SLC17A5: variants seen among roughly 807,000 people sequenced by gnomAD.
The protein encoded by SLC17A5 is sialin.
In SLC17A5, 47 loss-of-function variants were observed where a neutral mutation model predicts 59.4. The ratio of observed to expected loss-of-function variants is 0.79; its 90% confidence interval spans 0.63 to 1.01. SLC17A5 has a LOEUF of 1.01. Among genes scored for constraint, SLC17A5 ranks in the 50% least tolerant of loss-of-function variants. The probability of loss-of-function intolerance (pLI) is 0.00; values close to 1 mark genes in which losing one functional copy is unlikely to be tolerated. For synonymous variants in SLC17A5, 202 were observed against 210.7 expected (o/e 0.96, Z 0.36); for missense variants, 522 against 595.5 (o/e 0.88, Z 1.28).
intron 9 of SLC17A5, among the ~76,000 whole-genome samples, chr6:73,601,704 C>CT: frequency 1.2e-5 from 1 of 84,912 alleles, no homozygotes; most frequent in Non-Finnish European, 2.5e-5. Flanking sequence ...GTCAGCCCCC[C>CT]GCCCGGCCAG....
At chr6:73,603,935 A>AC (rs942678369) in intron 9 of SLC17A5, among the ~76,000 whole-genome samples, 4 of 152,268 alleles carry the variant, frequency 2.6e-5, no homozygotes, top group Non-Finnish European at 5.9e-5. Flanking sequence ...AAAACAAAAA[A>AC]AAAACACTTA....
At chr6:73,633,662 T>G (rs1420216620) in intron 6 of SLC17A5, among the ~76,000 whole-genome samples, 1 of 151,974 alleles carries the variant, frequency 6.6e-6, no homozygotes, top group Admixed American at 6.6e-5. Flanking sequence ...GAGGATCGCT[T>G]GAGGCCAGGA....
intron 7 of SLC17A5, among the ~76,000 whole-genome samples, chr6:73,616,186 A>G (rs995200031): frequency 6.6e-6 from 1 of 152,042 alleles, no homozygotes; most frequent in African/African-American, 2.4e-5. Context: ...ACCCGGCCTC[A>G]TGAGTCTTTC....
intron 6 of SLC17A5, among the ~76,000 whole-genome samples, chr6:73,628,819 T>C (rs12195068): frequency 0.22 from 32,689 of 152,008 alleles, 3,705 homozygotes; most frequent in Non-Finnish European, 0.25. Flanking sequence ...ACTATAAAAA[T>C]TATTTGTCAT....
chr6:73,623,282 A>G (rs1703465), intron 6 of SLC17A5, among the ~76,000 whole-genome samples: 24,633 of 151,676 alleles, frequency 0.16, 3,056 homozygotes, highest in African/African-American at 0.34. Context: ...CAGGTGATCC[A>G]CCTGCCTTGG....
intron 1 of SLC17A5, chr6:73,653,133 T>A (rs1769946434): frequency 3.0e-6 from 3 of 985,316 alleles, no homozygotes; most frequent in East Asian, 2.3e-4. Context: ...GGAAAAAAAA[T>A]GTCCTCGATG....
At chr6:73,596,945 G>A (rs1211015245) in intron 10 of SLC17A5, among the ~76,000 whole-genome samples, 5 of 151,964 alleles carry the variant, frequency 3.3e-5, no homozygotes, top group African/African-American at 1.2e-4. Context: ...TGGATCACCC[G>A]AGGTCAGGAG....
intron 7 of SLC17A5, among the ~76,000 whole-genome samples, chr6:73,619,861 A>G (rs1202921897): frequency 6.6e-6 from 1 of 151,916 alleles, no homozygotes; most frequent in Non-Finnish European, 1.5e-5. Context: ...TCAGTGTAGT[A>G]ATCTTTAAAT....
chr6:73,650,507 C>CAAAAA (rs999445559), intron 1 of SLC17A5, among the ~76,000 whole-genome samples: 38 of 35,502 alleles, frequency 1.1e-3, no homozygotes, highest in African/African-American at 2.2e-3. Context: ...GACTCCGTCT[C>CAAAAA]AAAAAAAAAA....
chr6:73,610,825 G>C (rs919670484), intron 8 of SLC17A5, among the ~76,000 whole-genome samples: 2 of 152,156 alleles, frequency 1.3e-5, no homozygotes, highest in Non-Finnish European at 2.9e-5. Flanking sequence ...AGAAGAACAA[G>C]ACAAGAACAA....
intron 6 of SLC17A5, among the ~76,000 whole-genome samples, chr6:73,622,527 C>G (rs1412108736): frequency 1.3e-5 from 2 of 152,114 alleles, no homozygotes; most frequent in Non-Finnish European, 2.9e-5. Context: ...GTCTTGAACT[C>G]CTGACTGCAA....
chr6:73,615,486 G>C (rs1767813844), intron 7 of SLC17A5, 39 bp from the exon 8 acceptor site: 1 of 1,608,010 alleles, frequency 6.2e-7, no homozygotes, highest in Non-Finnish European at 8.5e-7. Flanking sequence ...ATTACGGTGA[G>C]AGAAAAAAAC....
chr6:73,608,342 G>A (rs1324888747), intron 9 of SLC17A5, among the ~76,000 whole-genome samples: 1 of 152,104 alleles, frequency 6.6e-6, no homozygotes, highest in Non-Finnish European at 1.5e-5. Context: ...GGTGGAGAGA[G>A]GAAAAGATCC....
intron 9 of SLC17A5, among the ~76,000 whole-genome samples, chr6:73,604,827 C>A (rs1041246050): frequency 4.6e-5 from 7 of 152,046 alleles, no homozygotes; most frequent in Admixed American, 3.9e-4. Flanking sequence ...AATCCAAGTA[C>A]ACATTTATAT....
In SLC17A5 at chr6:73,593,859, G is replaced by A. The variant is rs1315661898; in HGVS notation, c.*1218C>T. 1 of 152,032 alleles carries A rather than the reference G, an allele frequency of 6.6e-6. No homozygotes were observed. Among genetic ancestry groups the A allele is most frequent in the Non-Finnish European group, 1.5e-5 (1 of 68,012 alleles). The allele number at this position is 152,032 out of a possible 1,614,324, so 9.4% of individuals were successfully genotyped here. A position where few individuals can be genotyped will look rare whatever the true frequency, so the allele number is the denominator to read the frequency against. On this transcript the variant is annotated 3_prime_UTR_variant, in exon 11 of 11. Transcript: ENST00000355773. ...ACAGGAGGATCGCTTGAAGCCAGGA[G>A]TTCAAAACCAGCCTGGGCGACAAAA... is the stretch of plus-strand genomic sequence containing the variant.
At chr6:73,633,982 C>G (rs983474228) in intron 6 of SLC17A5, among the ~76,000 whole-genome samples, 2 of 152,060 alleles carry the variant, frequency 1.3e-5, no homozygotes, top group Non-Finnish European at 2.9e-5. Context: ...GACTTTGAAG[C>G]CAACAAGAAT....
chr6:73,644,287 T>C, intron 2 of SLC17A5, 120 bp downstream of exon 2: 1 of 775,770 alleles, frequency 1.3e-6, no homozygotes. Context: ...AAAAAGAAAG[T>C]GATTCAGAGT....
At chr6:73,618,953 T>C (rs1216174658) in intron 7 of SLC17A5, among the ~76,000 whole-genome samples, 1 of 152,132 alleles carries the variant, frequency 6.6e-6, no homozygotes, top group African/African-American at 2.4e-5. Flanking sequence ...TCTCGAACTC[T>C]TGAGCACAGG....
Position 73,616,579 on chromosome 6 carries a change from A to ACG in SLC17A5, c.979-1134_979-1133dup, listed in dbSNP as rs1554162321. ...CACACACACACACACACACACACAC[A>ACG]CGTTTATTTTTAACAGAACTGGAGA... is the stretch of plus-strand genomic sequence containing the variant. On this transcript the variant is annotated intron_variant, in intron 7 of 10. Transcript: ENST00000355773. Among the ~76,000 whole-genome samples the ACG allele has an allele frequency of 4.4e-4, 31 of 70,456 alleles. No individual in the cohort carries two copies. In the East Asian group the frequency reaches 8.3e-3, roughly 19 times the overall value. 46.2% of individuals were successfully genotyped at this position (70,456 alleles called of 152,430 possible). A position where few individuals can be genotyped will look rare whatever the true frequency, so the allele number is the denominator to read the frequency against.
Sources: gnomAD v4.1 joint callset for allele counts (sites outside exome capture counted in the v4.1 genomes callset) on GRCh38, gnomAD v4.1.1 for gene constraint, MANE v1.5 for transcripts, NCBI Gene and HGNC (gene_info 2026-07-23, HGNC 2026-07-21) for gene names.